Variants in HBP1 observed in about 807,000 individuals in gnomAD.
HBP1 encodes HMG box-containing protein 1.
HBP1 carries 20 observed loss-of-function variants against 62.6 expected under a neutral mutation model. That is an observed-to-expected ratio of 0.32 (90% CI 0.22 to 0.46). The LOEUF (loss-of-function observed/expected upper bound fraction) is 0.46. Among genes scored for constraint, HBP1 ranks in the 20% least tolerant of loss-of-function variants. The pLI is 1.00. For synonymous variants in HBP1, 232 were observed against 206.2 expected (o/e 1.12, Z -1.07); for missense variants, 480 against 611.8 (o/e 0.78, Z 2.27).
At chr7:107,171,065 A>ATTT (rs1361609045) in intron 1 of HBP1, among the ~76,000 whole-genome samples, 5 of 66,762 alleles carry the variant, frequency 7.5e-5, no homozygotes, top group East Asian at 3.9e-4. Context: ...ATATATATAT[A>ATTT]TATATATATT....
At chr7:107,174,722 C>A in intron 1 of HBP1, 2 of 983,822 alleles carry the variant, frequency 2.0e-6, no homozygotes, top group Non-Finnish European at 2.4e-6. Flanking sequence ...CTGTGTAGTG[C>A]AGCTTCTAAA....
chr7:107,178,950 C>T (rs1796983180), intron 1 of HBP1, among the ~76,000 whole-genome samples: 2 of 152,190 alleles, frequency 1.3e-5, no homozygotes, highest in Non-Finnish European at 2.9e-5. Flanking sequence ...AGGAGAATCG[C>T]TTGAACCCAG....
Position 107,202,403 on chromosome 7 carries a change from TA to T in HBP1, c.*973del, listed in dbSNP as rs2116065152. 6.5e-6 allele frequency: 1 copy of T among 152,754 alleles called. No homozygotes were observed. The highest frequency in any genetic ancestry group is 2.1e-4 in the South Asian group (1 of 4,822). The allele number at this position is 152,754 out of a possible 1,614,324, so 9.5% of individuals were successfully genotyped here. A position where few individuals can be genotyped will look rare whatever the true frequency, so the allele number is the denominator to read the frequency against. Reference sequence around the variant, plus strand: ...TTACTTACCAAGTGGTGTTTCTGGTTAGGAATCACAGCTGTAAAATTGATTT... The same window carrying T: ...TTACTTACCAAGTGGTGTTTCTGGTTGGAATCACAGCTGTAAAATTGATTT... On this transcript the variant is annotated 3_prime_UTR_variant, in exon 11 of 11. Transcript: ENST00000222574.
At chr7:107,186,147 C>CTTT (rs961142033) in intron 4 of HBP1, among the ~76,000 whole-genome samples, 3 of 135,116 alleles carry the variant, frequency 2.2e-5, no homozygotes, top group African/African-American at 8.4e-5. Flanking sequence ...TTGTGTGTGT[C>CTTT]TTTTTTTTCT....
intron 1 of HBP1, chr7:107,169,752 C>T (rs539756461): frequency 9.3e-4 from 917 of 984,380 alleles, no homozygotes; most frequent in Non-Finnish European, 1.0e-3. Context: ...GGCGCCTGCG[C>T]GCTGGGGCTG....
intron 4 of HBP1, among the ~76,000 whole-genome samples, 195 bp from the exon 5 acceptor site, chr7:107,186,166 C>CTTTTTTTTTTTTTT (rs80124304): frequency 8.6e-6 from 1 of 116,134 alleles, no homozygotes; most frequent in African/African-American, 3.2e-5. Flanking sequence ...CTTTTTTTTT[C>CTTTTTTTTTTTTTT]TTTTTTTTTT....
intron 6 of HBP1, among the ~76,000 whole-genome samples, chr7:107,187,441 C>T (rs770988529): frequency 5.9e-5 from 9 of 152,072 alleles, no homozygotes; most frequent in Non-Finnish European, 1.3e-4. Context: ...AAAGCAGTAG[C>T]GAGCAATATT....
intron 9 of HBP1, among the ~76,000 whole-genome samples, 194 bp from the exon 10 acceptor site, chr7:107,199,966 A>C (rs1398591505): frequency 6.6e-6 from 1 of 152,238 alleles, no homozygotes; most frequent in Non-Finnish European, 1.5e-5. Context: ...CATGCTGCTG[A>C]TACGGAACAA....
intron 1 of HBP1, among the ~76,000 whole-genome samples, chr7:107,171,860 C>CAAAAA (rs367641713): frequency 6.3e-5 from 4 of 63,916 alleles, no homozygotes; most frequent in East Asian, 4.8e-4. Flanking sequence ...ACTTCCTCTC[C>CAAAAA]AAAAAAAAAA....
At chr7:107,174,402 C>T (rs1212419666) in intron 1 of HBP1, 4 of 858,794 alleles carry the variant, frequency 4.7e-6, no homozygotes, top group Non-Finnish European at 5.6e-6. Context: ...TTATAGGTAG[C>T]TCTGTTTTGA....
chr7:107,190,707 A>G (rs1466227993), intron 8 of HBP1, among the ~76,000 whole-genome samples: 2 of 151,962 alleles, frequency 1.3e-5, no homozygotes, highest in African/African-American at 2.4e-5. Context: ...ATTTTTCTTG[A>G]TATAATAGTT....
intron 9 of HBP1, among the ~76,000 whole-genome samples, chr7:107,199,636 G>T (rs796429980): frequency 9.2e-5 from 14 of 152,288 alleles, no homozygotes; most frequent in African/African-American, 3.4e-4. Context: ...AAGGAAGGTG[G>T]TTTACATCTG....
intron 6 of HBP1, among the ~76,000 whole-genome samples, chr7:107,188,603 T>C (rs1797499335): frequency 6.6e-6 from 1 of 152,228 alleles, no homozygotes; most frequent in South Asian, 2.1e-4. Flanking sequence ...GTGGCATGTG[T>C]TAAATGCTCA....
chr7:107,197,460 G>A (rs1487899629), intron 9 of HBP1, among the ~76,000 whole-genome samples: 1 of 152,068 alleles, frequency 6.6e-6, no homozygotes, highest in Non-Finnish European at 1.5e-5. Context: ...CTTCTGCCTT[G>A]TGGGTTCAAG....
chr7:107,200,592 G>A (rs1004194783), intron 10 of HBP1: 1 of 239,974 alleles, frequency 4.2e-6, no homozygotes, highest in Non-Finnish European at 8.0e-6. Context: ...TTCTAGTTGG[G>A]TTGAAAGATA....
At chr7:107,181,335 G>C (rs943398098) in intron 2 of HBP1, among the ~76,000 whole-genome samples, 6 of 152,060 alleles carry the variant, frequency 3.9e-5, no homozygotes, top group Admixed American at 1.3e-4. Flanking sequence ...GCTGGGCATG[G>C]TGGGTACATG....
rs966846011 is a variant in HBP1, at chr7:107,201,510, T to C, written c.*79T>C. On this transcript the variant is annotated 3_prime_UTR_variant, in exon 11 of 11. Transcript: ENST00000222574. ...GGAAAGACTTAAGAAGATCAAGGTCTCACCATTTGTCCTCAATTCGTGTGA... is the reference window on the plus strand; with the variant it reads ...GGAAAGACTTAAGAAGATCAAGGTCCCACCATTTGTCCTCAATTCGTGTGA... 1 of 826,606 alleles carries C rather than the reference T, an allele frequency of 1.2e-6. No homozygotes were observed. The highest frequency in any genetic ancestry group is 1.6e-5 in the South Asian group (1 of 62,630). 51.2% of individuals were successfully genotyped at this position (826,606 alleles called of 1,614,324 possible).
At position 107,180,010 on chromosome 7, in the gene HBP1, G is replaced by C. The variant is rs769750859; in HGVS notation, c.117G>C (p.Glu39Asp). Residue 39 changes from glutamate to aspartate, a missense_variant, in exon 2 of 11, where the codon GAG becomes GAC. Physicochemically the swap from Glu to Asp is conservative, Grantham distance 45 (BLOSUM62 2). Coordinates refer to ENST00000222574, the MANE Select transcript of HBP1 (RefSeq NM_012257.4). ...CATTGGAGTTGCTGCAGTGTAATGA[G>C]AATTTGCCATCTTCACCTGGATATA... The part of the protein sequence containing the change: ...NDSLELLQCN[E>D]NLPSSPGYNS... The C allele has an allele frequency of 6.2e-7, 1 of 1,609,392 alleles. No homozygotes were observed. The highest frequency in any genetic ancestry group is 1.1e-5 in the South Asian group (1 of 90,744).
intron 2 of HBP1, among the ~76,000 whole-genome samples, chr7:107,180,274 G>A (rs1381786807): frequency 1.3e-5 from 2 of 152,240 alleles, no homozygotes; most frequent in Non-Finnish European, 2.9e-5. Flanking sequence ...CTCATTTACA[G>A]ATTGTTAAAT....
Sources: allele counts gnomAD v4.1 joint callset (sites outside exome capture counted in the v4.1 genomes callset), GRCh38; gene constraint gnomAD v4.1.1; transcripts MANE v1.5; gene names NCBI Gene and HGNC (gene_info 2026-07-23, HGNC 2026-07-21).